LIPK: variants seen among roughly 807,000 people sequenced by gnomAD.
LIPK encodes lipase member K.
In LIPK, 32 loss-of-function variants were observed where a neutral mutation model predicts 48.6. The ratio of observed to expected loss-of-function variants is 0.66; its 90% CI spans 0.50 to 0.88. The LOEUF (loss-of-function observed/expected upper bound fraction) is 0.88, where lower values mean the gene tolerates loss of function less well. Among genes scored for constraint, LIPK ranks in the 40% least tolerant of loss-of-function variants. The pLI, the probability that LIPK is intolerant of heterozygous loss-of-function variation, is 0.00. For synonymous variants in LIPK, 164 were observed against 157.4 expected (o/e 1.04, Z -0.32); for missense variants, 507 against 478.5 (o/e 1.06, Z -0.56).
At chr10:88,726,448 A>G (rs1842339753) in intron 2 of LIPK, among the ~76,000 whole-genome samples, 1 of 152,208 alleles carries the variant, frequency 6.6e-6, no homozygotes, top group African/African-American at 2.4e-5. Context: ...GCACTTTGGG[A>G]GGCTAAGGCA....
intron 3 of LIPK, chr10:88,728,069 A>G (rs756026533): frequency 1.5e-5 from 5 of 331,058 alleles, no homozygotes; most frequent in Non-Finnish European, 3.0e-5. Context: ...GATGAGATCA[A>G]CAAGCATATA....
At chr10:88,739,369 C>G (rs1228566352) in intron 7 of LIPK, among the ~76,000 whole-genome samples, 1 of 152,106 alleles carries the variant, frequency 6.6e-6, no homozygotes, top group African/African-American at 2.4e-5. Context: ...TCCCCTATAC[C>G]CTTGAACCTA....
chr10:88,749,723 A>T (rs1214467), intron 9 of LIPK, among the ~76,000 whole-genome samples: 1 of 148,648 alleles, frequency 6.7e-6, no homozygotes, highest in Non-Finnish European at 1.5e-5. Context: ...CATGATAAAG[A>T]TGCAAAAATT....
At position 88,730,984 on chromosome 10, in the gene LIPK, T is replaced by A. The variant is rs1372033562; in HGVS notation, c.225T>A (p.Ala75=). The A allele has an allele frequency of 6.4e-7, 1 of 1,571,410 alleles. No homozygotes were observed. ...PHGRGCPGRT[A]PKPAVYLQHG... is the part of the protein sequence containing the mutation. ...ATTCTTGTTGCCTGTGTTTTGCAGC[T>A]CCAAAGCCTGCTGTGTATTTGCAGC... Residue 75 remains alanine (A), a splice_region_variant and synonymous_variant, in exon 4 of 10, where the codon GCT becomes GCA. Coordinates refer to ENST00000404190, the MANE Select transcript of LIPK (RefSeq NM_001080518.2).
At chr10:88,718,338 A>G (rs957651581) in intron 1 of LIPK, among the ~76,000 whole-genome samples, 3 of 148,538 alleles carry the variant, frequency 2.0e-5, no homozygotes, top group Non-Finnish European at 4.5e-5. Context: ...ATAATATAGG[A>G]TGAAAATTTT....
intron 1 of LIPK, among the ~76,000 whole-genome samples, chr10:88,713,117 A>G (rs1404319911): frequency 1.3e-5 from 2 of 152,202 alleles, no homozygotes; most frequent in African/African-American, 4.8e-5. Context: ...GGATCAAACC[A>G]ATCAGATACA....
intron 8 of LIPK, among the ~76,000 whole-genome samples, chr10:88,740,614 C>A (rs1430300857): frequency 6.6e-6 from 1 of 151,970 alleles, no homozygotes; most frequent in Non-Finnish European, 1.5e-5. Flanking sequence ...GCTTTCTGAG[C>A]CTTGTGTGTG....
chr10:88,732,178 T>C lies in LIPK; in HGVS notation c.423T>C (p.Ser141=). Residue 141 remains serine, a splice_region_variant and synonymous_variant, in exon 5 of 10, where the codon AGT becomes AGC. Coordinates refer to ENST00000404190, the MANE Select transcript of LIPK (RefSeq NM_001080518.2). ...SPKSPEYWAF[S]LDEMAKYDLP... is the part of the protein sequence containing the mutation. ...ATTTGTTATTCCTTCTTTTTGATAG[T>C]TTGGATGAGATGGCTAAATATGACC... is the stretch of plus-strand genomic sequence containing the variant. 6.2e-7 allele frequency: 1 copy of C among 1,604,760 alleles called. No individual in the cohort carries two copies. The highest frequency in any genetic ancestry group is 8.5e-7 in the Non-Finnish European group (1 of 1,174,182).
chr10:88,737,346 C>A (rs926763297), intron 6 of LIPK, among the ~76,000 whole-genome samples: 6 of 152,078 alleles, frequency 3.9e-5, no homozygotes, highest in African/African-American at 1.4e-4. Flanking sequence ...GTGTTTGAAT[C>A]CAGAATGAAA....
chr10:88,728,076 T>C, intron 3 of LIPK: 1 of 305,368 alleles, frequency 3.3e-6, no homozygotes, highest in Admixed American at 3.3e-5. Context: ...TCAACAAGCA[T>C]ATAGAGATGG....
intron 1 of LIPK, among the ~76,000 whole-genome samples, chr10:88,723,441 G>A (rs1842272351): frequency 6.6e-6 from 1 of 151,860 alleles, no homozygotes; most frequent in South Asian, 2.1e-4. Flanking sequence ...TAGCAGGGAG[G>A]GTGTATTTTC....
intron 1 of LIPK, among the ~76,000 whole-genome samples, chr10:88,716,320 T>C (rs530372033): frequency 6.6e-6 from 1 of 151,152 alleles, no homozygotes; most frequent in African/African-American, 2.4e-5. Context: ...AGATTGGCAA[T>C]AGAGTTTGAG....
At chr10:88,747,360 A>C (rs1842783907) in intron 9 of LIPK, among the ~76,000 whole-genome samples, 1 of 152,174 alleles carries the variant, frequency 6.6e-6, no homozygotes, top group African/African-American at 2.4e-5. Context: ...TATATGCAAA[A>C]ATTCTCAGTG....
intron 1 of LIPK, among the ~76,000 whole-genome samples, chr10:88,722,949 A>G (rs1476310158): frequency 2.5e-5 from 3 of 122,020 alleles, no homozygotes; most frequent in African/African-American, 1.0e-4. Flanking sequence ...TGGTGGTGCT[A>G]TTACAGCTCA....
At chr10:88,743,392 G>A in intron 9 of LIPK, 71 bp downstream of exon 9, 3 of 1,099,664 alleles carry the variant, frequency 2.7e-6, no homozygotes, top group Non-Finnish European at 4.1e-6. Context: ...TACTCATGAA[G>A]CACCTGCCAC....
At chr10:88,724,244 T>C (rs1433662041) in intron 1 of LIPK, among the ~76,000 whole-genome samples, 1 of 152,198 alleles carries the variant, frequency 6.6e-6, no homozygotes. Context: ...ACATTATCTA[T>C]TCCCTCTTTT....
chr10:88,751,539 T>C (rs2134804279), intron 9 of LIPK, among the ~76,000 whole-genome samples: 2 of 152,244 alleles, frequency 1.3e-5, no homozygotes, highest in Admixed American at 1.3e-4. Flanking sequence ...AATTTTAATG[T>C]GGGAATTTTT....
At chr10:88,719,791 C>G (rs573690584) in intron 1 of LIPK, among the ~76,000 whole-genome samples, 1 of 152,098 alleles carries the variant, frequency 6.6e-6, no homozygotes, top group African/African-American at 2.4e-5. Flanking sequence ...GCTTGATGAG[C>G]CTGATAGTTC....
intron 1 of LIPK, among the ~76,000 whole-genome samples, chr10:88,724,007 A>T (rs1157733321): frequency 6.6e-6 from 1 of 152,160 alleles, no homozygotes; most frequent in African/African-American, 2.4e-5. Context: ...TTTTATACCC[A>T]GTGTTTATAT....
Sources: gnomAD v4.1 joint callset for allele counts (sites outside exome capture counted in the v4.1 genomes callset) on GRCh38, gnomAD v4.1.1 for gene constraint, MANE v1.5 for transcripts, NCBI Gene and HGNC (gene_info 2026-07-23, HGNC 2026-07-21) for gene names.